MAPK14: variants seen among roughly 807,000 people sequenced by gnomAD.
The protein encoded by MAPK14 is CSAID-binding protein.
A neutral mutation model predicts 49.6 loss-of-function variants in MAPK14; 16 were observed. The observed-to-expected ratio is 0.32, with a 90% CI of 0.22 to 0.49. MAPK14 has a LOEUF of 0.49. Ranked by LOEUF, MAPK14 falls within the 20% of genes least tolerant of loss-of-function variation. The pLI is 0.99. For synonymous variants in MAPK14, 142 were observed against 158.0 expected (o/e 0.90, Z 0.76); for missense variants, 200 against 441.2 (o/e 0.45, Z 4.90).
At chr6:36,035,481 A>T (rs962683945) in intron 1 of MAPK14, among the ~76,000 whole-genome samples, 47 of 152,286 alleles carry the variant, frequency 3.1e-4, no homozygotes, top group Non-Finnish European at 1.5e-5. Context: ...AATTAATAAC[A>T]CTACAGTGGT....
intron 2 of MAPK14, among the ~76,000 whole-genome samples, chr6:36,054,589 T>C (rs1763524268): frequency 1.3e-5 from 2 of 152,232 alleles, no homozygotes; most frequent in African/African-American, 2.4e-5. Context: ...GGCACATGGC[T>C]GAATGTCTCA....
intron 1 of MAPK14, among the ~76,000 whole-genome samples, chr6:36,039,601 C>G (rs1281442230): frequency 6.6e-6 from 1 of 152,026 alleles, no homozygotes; most frequent in Non-Finnish European, 1.5e-5. Flanking sequence ...AAAAGCATAC[C>G]AGTTTTGTTC....
chr6:36,032,380 C>T (rs1307562568), intron 1 of MAPK14, among the ~76,000 whole-genome samples: 1 of 152,098 alleles, frequency 6.6e-6, no homozygotes, highest in East Asian at 1.9e-4. Context: ...GAACTTTATG[C>T]ATTGTCTGTG....
At chr6:36,035,547 C>A (rs1454228129) in intron 1 of MAPK14, among the ~76,000 whole-genome samples, 2 of 152,162 alleles carry the variant, frequency 1.3e-5, no homozygotes, top group Non-Finnish European at 2.9e-5. Context: ...AAATCAAAAG[C>A]TAGAAATGAT....
intron 9 of MAPK14, chr6:36,100,297 C>T (rs200835843): frequency 2.7e-5 from 41 of 1,503,330 alleles, no homozygotes; most frequent in African/African-American, 4.1e-5. Context: ...ACAGGGATGT[C>T]GCACTGAGAA....
At chr6:36,088,957 T>A (rs1039503189) in intron 8 of MAPK14, among the ~76,000 whole-genome samples, 1 of 152,126 alleles carries the variant, frequency 6.6e-6, no homozygotes, top group Non-Finnish European at 1.5e-5. Context: ...ACACCGTTGG[T>A]AGGAATGTAA....
Position 36,075,925 on chromosome 6 carries a change from T to C in MAPK14, c.573T>C (p.Pro191=). 1 of 1,614,014 alleles carries C rather than the reference T, an allele frequency of 6.2e-7. No individual in the cohort carries two copies. Among genetic ancestry groups the C allele is most frequent in the Non-Finnish European group, 8.5e-7 (1 of 1,179,918 alleles). The change falls in exon 7 of 12, where the codon CCT becomes CCC. Residue 191 remains proline, a synonymous_variant. Transcript: ENST00000229794. ...TGGCCACTAGGTGGTACAGGGCTCC[T>C]GAGATCATGCTGAACTGGATGCATT... is the stretch of plus-strand genomic sequence containing the variant. The part of the protein sequence containing the change: ...GYVATRWYRA[P]EIMLNWMHYN...
Position 36,059,331 on chromosome 6 carries a change from G to A in MAPK14, c.289G>A (p.Glu97Lys), listed in dbSNP as rs770501168. Residue 97 changes from glutamate (E) to lysine (K), a missense_variant, in exon 3 of 12, where the codon GAG becomes AAG. Glu to Lys is a moderately conservative substitution (Grantham distance 56). This residue lies in a region of MAPK14 where 170 missense variants were observed against 407.0 expected (regional missense o/e 0.42). Transcript: ENST00000229794. The stretch of plus-strand genomic sequence containing the variant: ...CGTTTTTACACCTGCAAGGTCTCTG[G>A]AGGAATTCAATGATGTGTGAGTAAA... ...LDVFTPARSL[E>K]EFNDVYLVTH... 16 of 1,611,856 alleles carry A rather than the reference G, an allele frequency of 9.9e-6. No individual in the cohort carries two copies. Among genetic ancestry groups the A allele is most frequent in the South Asian group, 2.2e-5 (2 of 91,032 alleles).
intron 1 of MAPK14, among the ~76,000 whole-genome samples, chr6:36,047,987 A>G (rs1045579736): frequency 1.3e-5 from 2 of 151,862 alleles, no homozygotes; most frequent in Admixed American, 6.6e-5. Context: ...TAGCCTCCCA[A>G]AGTGCTGGGA....
intron 8 of MAPK14, among the ~76,000 whole-genome samples, chr6:36,094,836 A>G (rs547112950): frequency 3.9e-5 from 6 of 152,312 alleles, no homozygotes; most frequent in East Asian, 1.9e-4. Context: ...GATGTTATCA[A>G]GCATGGTGCT....
At chr6:36,056,571 CA>C (rs754634669) in intron 2 of MAPK14, among the ~76,000 whole-genome samples, 9 of 152,110 alleles carry the variant, frequency 5.9e-5, no homozygotes, top group Non-Finnish European at 1.2e-4. Context: ...TGCTTGGTTC[CA>C]AAATGTCTGT....
At chr6:36,061,203 G>A (rs1390524316) in intron 3 of MAPK14, among the ~76,000 whole-genome samples, 1 of 152,154 alleles carries the variant, frequency 6.6e-6, no homozygotes, top group African/African-American at 2.4e-5. Flanking sequence ...CAAAATTTTA[G>A]GTATACTAAG....
intron 2 of MAPK14, among the ~76,000 whole-genome samples, chr6:36,053,462 G>A (rs1201371897): frequency 6.6e-6 from 1 of 151,922 alleles, no homozygotes; most frequent in African/African-American, 2.4e-5. Context: ...ATTCTGCAAA[G>A]ATGCTTACAA....
Position 36,028,184 on chromosome 6 carries a change from C to A in MAPK14, c.27C>A (p.Tyr9Ter), listed in dbSNP as rs778624298. Reference protein sequence around the residue: MSQERPTFYRQELNKTIWE... With the variant: MSQERPTF ...TGTCTCAGGAGAGGCCCACGTTCTA[C>A]CGGCAGGAGCTGAACAAGACAATCT... The change falls in exon 1 of 12, where the codon TAC becomes TAA. Residue 9 changes from tyrosine (Y) to a stop codon, truncating the protein, a stop_gained. Transcript: ENST00000229794. LOFTEE classifies it high-confidence loss of function. This position sits in a 1 kb window ranked among gnomAD's most constrained non-coding sequence, Gnocchi z 5.1. The A allele has an allele frequency of 1.9e-6, 3 of 1,613,486 alleles. No individual in the cohort carries two copies. Among genetic ancestry groups the A allele is most frequent in the Non-Finnish European group, 1.7e-6 (2 of 1,179,650 alleles).
chr6:36,074,341 G>A (rs1051036201), intron 6 of MAPK14, among the ~76,000 whole-genome samples: 15 of 152,064 alleles, frequency 9.9e-5, no homozygotes, highest in African/African-American at 3.4e-4. Flanking sequence ...TCATAATAAA[G>A]GAGGATAATA....
chr6:36,055,834 A>G (rs1269610571), intron 2 of MAPK14, among the ~76,000 whole-genome samples: 2 of 151,866 alleles, frequency 1.3e-5, no homozygotes, highest in African/African-American at 2.4e-5. Flanking sequence ...TTCCAGATCT[A>G]TTTTAATGCT....
chr6:36,063,822 T>C (rs1382385653), intron 3 of MAPK14, among the ~76,000 whole-genome samples: 1 of 152,158 alleles, frequency 6.6e-6, no homozygotes, highest in Non-Finnish European at 1.5e-5. Flanking sequence ...TAGGATGTGG[T>C]TGTACAGATG....
chr6:36,122,353 G>C, the MAPK14 span, among the ~76,000 whole-genome samples: 3 of 152,220 alleles, frequency 2.0e-5, no homozygotes, highest in African/African-American at 7.2e-5. Flanking sequence ...CCATTACTGC[G>C]GTTTGTCAGG....
At chr6:36,062,400 T>C (rs1763856942) in intron 3 of MAPK14, among the ~76,000 whole-genome samples, 1 of 152,196 alleles carries the variant, frequency 6.6e-6, no homozygotes, top group African/African-American at 2.4e-5. Context: ...TGAGGTTCAG[T>C]GTTACACAAT....
Sources: gnomAD v4.1 joint callset for allele counts (sites outside exome capture counted in the v4.1 genomes callset) on GRCh38, gnomAD v4.1.1 for gene constraint, gnomAD v4.1.1 regional missense constraint, Gnocchi (gnomAD v3.1) non-coding constraint, MANE v1.5 for transcripts, NCBI Gene and HGNC (gene_info 2026-07-23, HGNC 2026-07-21) for gene names.